ANGPT1: variants seen among roughly 807,000 people sequenced by gnomAD.
ANGPT1 encodes the protein angiopoietin-1.
In ANGPT1, 17 loss-of-function variants were observed where a neutral mutation model predicts 62.2. That is an observed-to-expected ratio of 0.27 (90% CI 0.19 to 0.41). The LOEUF (loss-of-function observed/expected upper bound fraction) is 0.41, where lower values mean the gene tolerates loss of function less well. ANGPT1 is among the 10% of genes least tolerant of loss of function. The probability of loss-of-function intolerance (pLI) is 1.00; values close to 1 mark genes in which losing one functional copy is unlikely to be tolerated. For synonymous variants in ANGPT1, 199 were observed against 198.9 expected, an observed-to-expected ratio of 1.00 and a Z score of 0.00; for missense variants, 478 against 594.9, an observed-to-expected ratio of 0.80 and a Z score of 2.04.
Position 107,316,072 on chromosome 8 carries a change from C to T in ANGPT1, c.808+5824G>A, listed in dbSNP as rs535733668. On this transcript the variant is annotated intron_variant, in intron 4 of 8. Coordinates refer to ENST00000517746, the MANE Select transcript of ANGPT1 (RefSeq NM_001146.5). ...TGTTGCTGGTTTTAAAGAATGTGAT[C>T]TATGCTCCCTCAGTTGTTTAACCTA... Among the ~76,000 whole-genome samples the T allele has an allele frequency of 2.0e-5, 3 of 152,240 alleles. No individual in the cohort carries two copies. In the East Asian group the frequency reaches 5.8e-4, roughly 29 times the overall value.
chr8:107,342,151 T>C (rs1301432347), intron 2 of ANGPT1, among the ~76,000 whole-genome samples: 1 of 152,218 alleles, frequency 6.6e-6, no homozygotes, highest in Admixed American at 6.5e-5. Flanking sequence ...CTGCTTCTGT[T>C]CAAAGTCCTC....
At chr8:107,350,875 T>C (rs985020323) in intron 1 of ANGPT1, among the ~76,000 whole-genome samples, 8 of 152,144 alleles carry the variant, frequency 5.3e-5, no homozygotes, top group African/African-American at 1.9e-4. Flanking sequence ...TTTCATCTTA[T>C]CTCTAAACAT....
intron 1 of ANGPT1, among the ~76,000 whole-genome samples, chr8:107,363,526 G>T (rs1365797361): frequency 6.6e-6 from 1 of 152,168 alleles, no homozygotes; most frequent in Non-Finnish European, 1.5e-5. Context: ...CTCTAAGCTG[G>T]CAACTGGCTA....
intron 1 of ANGPT1, among the ~76,000 whole-genome samples, chr8:107,454,766 T>C (rs776667601): frequency 6.6e-5 from 10 of 152,092 alleles, no homozygotes; most frequent in Non-Finnish European, 1.3e-4. Context: ...CTCACAGTAG[T>C]ATTTATTTCC....
intron 1 of ANGPT1, among the ~76,000 whole-genome samples, chr8:107,403,160 GT>G (rs1252608904): frequency 1.3e-5 from 2 of 152,128 alleles, no homozygotes; most frequent in African/African-American, 4.8e-5. Flanking sequence ...GATTGACATA[GT>G]TTTTTTCTTA....
At chr8:107,387,724 A>G (rs1816758228) in intron 1 of ANGPT1, among the ~76,000 whole-genome samples, 1 of 152,050 alleles carries the variant, frequency 6.6e-6, no homozygotes, top group Non-Finnish European at 1.5e-5. Context: ...GAAAGAATTC[A>G]GATTCTGGCT....
chr8:107,379,185 C>T (rs928526652), intron 1 of ANGPT1, among the ~76,000 whole-genome samples: 2 of 152,070 alleles, frequency 1.3e-5, no homozygotes, highest in African/African-American at 2.4e-5. Context: ...TAAATGCAGA[C>T]CAACTATTAG....
At chr8:107,276,295 C>G (rs888367834) in intron 7 of ANGPT1, among the ~76,000 whole-genome samples, 15 of 152,030 alleles carry the variant, frequency 9.9e-5, no homozygotes, top group African/African-American at 3.4e-4. Context: ...GTTTGAAAAC[C>G]TATGTTAGGA....
intron 1 of ANGPT1, among the ~76,000 whole-genome samples, chr8:107,370,357 AAAGAAAGAAAG>A (rs1816371111): frequency 3.6e-5 from 1 of 27,952 alleles, no homozygotes; most frequent in Admixed American, 6.2e-4. Flanking sequence ...AGAAAGAAAG[AAAGAAAGAAAG>A]AAAGAAAGAA....
intron 7 of ANGPT1, among the ~76,000 whole-genome samples, chr8:107,282,430 ATGTGTGTATG>A (rs1814030394): frequency 4.4e-5 from 1 of 22,878 alleles, no homozygotes; most frequent in African/African-American, 2.8e-4. Context: ...ATGTATATAT[ATGTGTGTATG>A]TGTGTGTGTG....
At chr8:107,300,601 C>T (rs147577234) in intron 5 of ANGPT1, among the ~76,000 whole-genome samples, 3 of 151,932 alleles carry the variant, frequency 2.0e-5, no homozygotes, top group East Asian at 3.9e-4. Flanking sequence ...TGGAACTTCT[C>T]CTTCTTCTCT....
rs1198669320 is a variant in ANGPT1 at position 107,351,510 on chromosome 8, T to C, written c.298-4413A>G. On this transcript the variant is annotated intron_variant, in intron 1 of 8. Coordinates refer to ENST00000517746, the MANE Select transcript of ANGPT1 (RefSeq NM_001146.5). ...CTGGTTGGCTGGATGATTAGTTGAC[T>C]GATAATTTCAATTTTAGTCAGCTAT... Among the ~76,000 whole-genome samples, 6 of 152,108 alleles carry C rather than the reference T, an allele frequency of 3.9e-5. No individual in the cohort carries two copies. In the East Asian group the frequency reaches 1.2e-3, roughly 29 times the overall value.
intron 1 of ANGPT1, among the ~76,000 whole-genome samples, chr8:107,434,370 T>C (rs543671226): frequency 1.2e-4 from 19 of 152,236 alleles, no homozygotes; most frequent in Non-Finnish European, 1.8e-4. Context: ...CGTGGACAAC[T>C]TGAAATCATG....
intron 1 of ANGPT1, among the ~76,000 whole-genome samples, chr8:107,473,081 T>C (rs1048581326): frequency 9.2e-5 from 14 of 151,966 alleles, no homozygotes; most frequent in African/African-American, 3.1e-4. Flanking sequence ...GCAAGAAGAG[T>C]ATGGGTTTTT....
intron 1 of ANGPT1, among the ~76,000 whole-genome samples, chr8:107,448,528 T>G (rs1811677164): frequency 6.6e-6 from 1 of 152,166 alleles, no homozygotes; most frequent in Non-Finnish European, 1.5e-5. Context: ...CTCCCAACTC[T>G]GCTCTTACGG....
At chr8:107,283,038 T>C (rs1042071466) in intron 7 of ANGPT1, among the ~76,000 whole-genome samples, 5 of 151,758 alleles carry the variant, frequency 3.3e-5, no homozygotes, top group African/African-American at 1.2e-4. Context: ...CAGCCACCTA[T>C]GAAAAACTGA....
At chr8:107,302,842 C>A (rs962821078) in intron 5 of ANGPT1, among the ~76,000 whole-genome samples, 1 of 151,922 alleles carries the variant, frequency 6.6e-6, no homozygotes, top group Non-Finnish European at 1.5e-5. Flanking sequence ...GCTATATCTA[C>A]CCCTCCCTCT....
At chr8:107,315,086 TAAGAA>T (rs796502019) in intron 4 of ANGPT1, among the ~76,000 whole-genome samples, 5 of 152,254 alleles carry the variant, frequency 3.3e-5, no homozygotes, top group African/African-American at 1.2e-4. Flanking sequence ...TTTCCCCCTT[TAAGAA>T]GACTAGAGGA....
chr8:107,487,726 C>T (rs994246389), intron 1 of ANGPT1, among the ~76,000 whole-genome samples: 1 of 152,004 alleles, frequency 6.6e-6, no homozygotes, highest in Non-Finnish European at 1.5e-5. Context: ...ACAACATGGA[C>T]AAGTGTCTTA....
Sources: allele counts gnomAD v4.1 joint callset (sites outside exome capture counted in the v4.1 genomes callset), GRCh38; gene constraint gnomAD v4.1.1; transcripts MANE v1.5; gene names NCBI Gene and HGNC (gene_info 2026-07-23, HGNC 2026-07-21).